Variants in SLC22A24 observed in about 807,000 individuals in gnomAD.
The protein encoded by SLC22A24 is steroid transmembrane transporter SLC22A24.
A neutral mutation model predicts 49.8 loss-of-function variants in SLC22A24; 53 were observed. The observed-to-expected ratio is 1.06, with a 90% CI of 0.85 to 1.34. SLC22A24 has a LOEUF of 1.34. SLC22A24 is among the 40% of genes most tolerant of loss of function. The pLI, the probability that SLC22A24 is intolerant of heterozygous loss-of-function variation, is 0.00. For missense variants in SLC22A24, 786 were observed against 675.9 expected, an observed-to-expected ratio of 1.16 and a Z score of -1.81; for synonymous variants, 302 against 256.4, an observed-to-expected ratio of 1.18 and a Z score of -1.70.
At chr11:63,115,201 G>A (rs955126183) in intron 4 of SLC22A24, among the ~76,000 whole-genome samples, 37 of 152,246 alleles carry the variant, frequency 2.4e-4, no homozygotes, top group Non-Finnish European at 4.9e-4. Flanking sequence ...AGGCCTGGCT[G>A]AGCTGTGGTG....
intron 5 of SLC22A24, among the ~76,000 whole-genome samples, 168 bp from the exon 6 acceptor site, chr11:63,096,274 A>T (rs984150438): frequency 2.0e-5 from 3 of 152,194 alleles, no homozygotes; most frequent in African/African-American, 7.2e-5. Context: ...GTGAAGTGTT[A>T]CAAAAGGTGT....
At position 63,127,145 on chromosome 11, in the gene SLC22A24, C is replaced by T. The variant is rs2087297400; in HGVS notation, c.506+7520G>A. Among the ~76,000 whole-genome samples the T allele has an allele frequency of 2.6e-5, 4 of 152,128 alleles. 1 individual carries two copies. In the South Asian group the frequency reaches 8.3e-4, roughly 32 times the overall value. On this transcript the variant is annotated intron_variant, in intron 2 of 9. Coordinates refer to ENST00000612278, the MANE Select transcript of SLC22A24 (RefSeq NM_001136506.2). ...ACTGCCCCAGCCCCCCACTCCCTGA[C>T]AGGCCCTGGTATGTGATGTTCCCCA... is the stretch of plus-strand genomic sequence containing the variant.
chr11:63,087,732 T>G (rs1277577474), intron 6 of SLC22A24, among the ~76,000 whole-genome samples: 1 of 152,044 alleles, frequency 6.6e-6, no homozygotes, highest in Non-Finnish European at 1.5e-5. Context: ...ACGATGGAGC[T>G]TGGTGGGGGG....
intron 5 of SLC22A24, among the ~76,000 whole-genome samples, chr11:63,097,599 C>T (rs1042990694): frequency 1.1e-4 from 16 of 152,102 alleles, no homozygotes; most frequent in Admixed American, 3.9e-4. Flanking sequence ...ATAAATCATT[C>T]TACTATAAAG....
intron 4 of SLC22A24, among the ~76,000 whole-genome samples, chr11:63,109,281 A>G (rs1432089170): frequency 6.8e-6 from 1 of 146,138 alleles, no homozygotes; most frequent in African/African-American, 2.5e-5. Context: ...AGTCTTTGCT[A>G]TCGTGAATAA....
chr11:63,108,141 G>T (rs1030085543), intron 4 of SLC22A24, among the ~76,000 whole-genome samples: 1 of 152,136 alleles, frequency 6.6e-6, no homozygotes, highest in Non-Finnish European at 1.5e-5. Flanking sequence ...TTTTTCGCAT[G>T]CAGGGCTATT....
At chr11:63,141,384 G>T (rs1045351081) in intron 1 of SLC22A24, among the ~76,000 whole-genome samples, 1 of 152,188 alleles carries the variant, frequency 6.6e-6, no homozygotes, top group Admixed American at 6.5e-5. Flanking sequence ...TCTTCGTTGG[G>T]TTTTGTTTGG....
chr11:63,125,546 C>G lies in SLC22A24; in HGVS notation c.507-6211G>C, dbSNP rs571609247. 2.6e-4 allele frequency among the ~76,000 whole-genome samples: 40 copies of G among 152,248 alleles called. 1 individual carries two copies. The South Asian group carries it at 8.1e-3, about 31-fold the overall frequency. Reference sequence around the variant, plus strand: ...TGTATATGTGCTACATTTTCTTAATCCAGTCTGTCATTGGTGGACATTTGG... The same window carrying G: ...TGTATATGTGCTACATTTTCTTAATGCAGTCTGTCATTGGTGGACATTTGG... On this transcript the variant is annotated intron_variant, in intron 2 of 9. Coordinates refer to ENST00000612278, the MANE Select transcript of SLC22A24 (RefSeq NM_001136506.2).
chr11:63,093,198 G>A (rs766306202), intron 6 of SLC22A24, among the ~76,000 whole-genome samples: 3 of 152,216 alleles, frequency 2.0e-5, no homozygotes, highest in Non-Finnish European at 4.4e-5. Context: ...AACAGATGCT[G>A]GAGAGGCTGT....
intron 4 of SLC22A24, among the ~76,000 whole-genome samples, chr11:63,107,628 C>G (rs10792389): frequency 0.71 from 108,145 of 151,958 alleles, 40,085 homozygotes; most frequent in East Asian, 0.9. Context: ...GTTTGCAGTT[C>G]TCCTTGAAAA....
chr11:63,096,056 T>C lies in SLC22A24; in HGVS notation c.1005A>G (p.Thr335=), dbSNP rs1157542190. 2 of 1,550,758 alleles carry C rather than the reference T, an allele frequency of 1.3e-6. No homozygotes were observed. Among genetic ancestry groups the C allele is most frequent in the Non-Finnish European group, 8.7e-7 (1 of 1,146,246 alleles). Residue 335 remains threonine, a synonymous_variant, in exon 6 of 10, where the codon ACA becomes ACG. Coordinates refer to ENST00000612278, the MANE Select transcript of SLC22A24 (RefSeq NM_001136506.2). The part of the protein sequence containing the change: ...KKELDAVRIK[T]SIFSLFRAPK... ...GTGCACGGAACAGGGAAAAAATGGA[T>C]GTTTTAATTCGGACTGCATCCAACT... is the stretch of plus-strand genomic sequence containing the variant.
intron 1 of SLC22A24, 112 bp downstream of exon 1, chr11:63,143,266 A>G: frequency 3.6e-6 from 3 of 843,960 alleles, no homozygotes; most frequent in South Asian, 4.5e-5. Context: ...ATGAAGAATG[A>G]GCTGACTGCA....
chr11:63,127,486 A>G (rs953940444), intron 2 of SLC22A24, among the ~76,000 whole-genome samples: 3 of 152,206 alleles, frequency 2.0e-5, no homozygotes, highest in Admixed American at 6.5e-5. Flanking sequence ...TCCTTTGGGT[A>G]TATACCCAGG....
At chr11:63,095,562 G>A (rs1316271704) in intron 6 of SLC22A24, among the ~76,000 whole-genome samples, 1 of 152,112 alleles carries the variant, frequency 6.6e-6, no homozygotes, top group African/African-American at 2.4e-5. Flanking sequence ...TAACTAGGGT[G>A]AAAGAGACAT....
intron 4 of SLC22A24, among the ~76,000 whole-genome samples, chr11:63,105,715 G>A (rs780634030): frequency 6.6e-6 from 1 of 151,986 alleles, no homozygotes; most frequent in Non-Finnish European, 1.5e-5. Flanking sequence ...GCCTATGATG[G>A]GAGGGGCTGC....
intron 2 of SLC22A24, among the ~76,000 whole-genome samples, chr11:63,120,063 T>C (rs1370580849): frequency 1.3e-5 from 2 of 151,344 alleles, no homozygotes; most frequent in Non-Finnish European, 2.9e-5. Context: ...TTCTCCGATT[T>C]TGTAGGTTGC....
chr11:63,081,615 G>C lies in SLC22A24; in HGVS notation c.1337C>G (p.Ser446Cys), dbSNP rs1207508371. ...VLATLGIGSV[S>C]AASNSASVHH... ...GACAGAAGCACTGTTGCTAGCAGCA[G>C]AAACACTACCAATTCCCAAAGTTGC... Residue 446 changes from serine to cysteine, a missense_variant, in exon 8 of 10, where the codon TCT becomes TGT. Physicochemically the swap from Ser to Cys is moderately radical, Grantham distance 112 (BLOSUM62 -1). Transcript: ENST00000612278. 12 of 1,551,518 alleles carry C rather than the reference G, an allele frequency of 7.7e-6. No individual in the cohort carries two copies. The East Asian group carries it at 2.2e-4, about 28-fold the overall frequency.
chr11:63,104,007 T>G (rs2087105742), intron 5 of SLC22A24, 168 bp downstream of exon 5: 1 of 589,688 alleles, frequency 1.7e-6, no homozygotes, highest in Admixed American at 3.6e-5. Flanking sequence ...TTTCAATATC[T>G]ATATCCAAAT....
At chr11:63,122,000 G>T (rs995355733) in intron 2 of SLC22A24, among the ~76,000 whole-genome samples, 2 of 152,132 alleles carry the variant, frequency 1.3e-5, no homozygotes, top group South Asian at 4.1e-4. Flanking sequence ...GACATGAAGA[G>T]TTATACAAGT....
Sources: allele counts gnomAD v4.1 joint callset (sites outside exome capture counted in the v4.1 genomes callset), GRCh38; gene constraint gnomAD v4.1.1; transcripts MANE v1.5; gene names NCBI Gene and HGNC (gene_info 2026-07-23, HGNC 2026-07-21).